BRD4: variants seen among roughly 807,000 people sequenced by gnomAD.
BRD4 encodes bromodomain-containing protein 4.
Under a neutral mutation model 142.1 loss-of-function variants are expected in BRD4, and 16 were observed. The observed-to-expected ratio is 0.11, with a 90% CI of 0.08 to 0.17. BRD4 has a LOEUF of 0.17. Among genes scored for constraint, BRD4 ranks in the 10% least tolerant of loss-of-function variants. The pLI, the probability that BRD4 is intolerant of heterozygous loss-of-function variation, is 1.00. For synonymous variants in BRD4, 833 were observed against 707.5 expected (o/e 1.18, Z -2.82); for missense variants, 1,424 against 1,810.9 (o/e 0.79, Z 3.88).
In BRD4 at chr19:15,238,581, A is replaced by G; in HGVS notation, c.4021-136T>C. 1 of 1,516,074 alleles carries G rather than the reference A, an allele frequency of 6.6e-7. No homozygotes were observed. Among genetic ancestry groups the G allele is most frequent in the South Asian group, 1.3e-5 (1 of 76,278 alleles). 93.9% of individuals were successfully genotyped at this position (1,516,074 alleles called of 1,614,324 possible). On this transcript the variant is annotated intron_variant, in intron 19 of 19. Coordinates refer to ENST00000679869, the MANE Select transcript of BRD4 (RefSeq NM_001379291.1). The surrounding 1 kb of genome is among the most constrained non-coding windows in gnomAD (Gnocchi z 7.2). ...CCCTCATAGCGCTCACCCCGTCCAC[A>G]CAGCACTCAGGGCCCTACAGCTGAG...
At chr19:15,322,174 C>T (rs971236760) in intron 1 of BRD4, among the ~76,000 whole-genome samples, 5 of 152,162 alleles carry the variant, frequency 3.3e-5, no homozygotes, top group African/African-American at 1.2e-4. Flanking sequence ...TATGAAATAT[C>T]CTTGAAAATT....
intron 1 of BRD4, among the ~76,000 whole-genome samples, chr19:15,283,219 C>T (rs1268722761): frequency 6.6e-6 from 1 of 152,094 alleles, no homozygotes; most frequent in Admixed American, 6.5e-5. Flanking sequence ...AGAGGAAGTT[C>T]ACTTCTTAGA....
chr19:15,322,275 GTT>G (rs749517943), intron 1 of BRD4, among the ~76,000 whole-genome samples: 15 of 152,010 alleles, frequency 9.9e-5, no homozygotes, highest in Non-Finnish European at 1.6e-4. Context: ...GTTTTGTTTT[GTT>G]TTGTTTTCTT....
chr19:15,255,267 G>A, intron 10 of BRD4, 30 bp downstream of exon 10: 5 of 1,594,176 alleles, frequency 3.1e-6, no homozygotes, highest in Non-Finnish European at 4.3e-6. Context: ...CCCACAGAAG[G>A]AACCCCATGC....
Position 15,264,765 on chromosome 19 carries a change from G to C in BRD4, c.851C>G (p.Thr284Arg), listed in dbSNP as rs2145600714. The C allele has an allele frequency of 6.3e-7, 1 of 1,599,176 alleles. No homozygotes were observed. Among genetic ancestry groups the C allele is most frequent in the Non-Finnish European group, 8.5e-7 (1 of 1,170,830 alleles). The change falls in exon 6 of 20, where the codon ACA becomes AGA. Residue 284 changes from threonine (T) to arginine (R), a missense_variant and splice_region_variant. Coordinates refer to ENST00000679869, the MANE Select transcript of BRD4 (RefSeq NM_001379291.1). The stretch of plus-strand genomic sequence containing the variant: ...TGCTTTCCTCTTCACTCCCTTCTTT[G>C]TCTGCCAAGAACACGGACGCCAACA... ...IIAATPQPVKTKKGVKRKADT... is the reference protein window; with the variant it reads ...IIAATPQPVKRKKGVKRKADT...
intron 11 of BRD4, among the ~76,000 whole-genome samples, chr19:15,249,973 C>T (rs2047327161): frequency 6.6e-6 from 1 of 152,160 alleles, no homozygotes; most frequent in Non-Finnish European, 1.5e-5. Flanking sequence ...AAGTCTTGTC[C>T]TTTCTTTCCT....
At chr19:15,308,413 C>T (rs2047936683) in intron 1 of BRD4, among the ~76,000 whole-genome samples, 1 of 150,898 alleles carries the variant, frequency 6.6e-6, no homozygotes, top group African/African-American at 2.4e-5. Flanking sequence ...GTGGTGAAAC[C>T]CTGTCTCTAC....
At position 15,238,695 on chromosome 19, in the gene BRD4, C is replaced by G; in HGVS notation, c.4020+48G>C. 6.8e-7 allele frequency: 1 copy of G among 1,465,006 alleles called. No homozygotes were observed. The highest frequency in any genetic ancestry group is 9.0e-7 in the Non-Finnish European group (1 of 1,107,470). The allele number at this position is 1,465,006 out of a possible 1,614,324, so 90.8% of individuals were successfully genotyped here. ...TCCAGTCCCCCTTTCCCAGCTCCCT[C>G]AGGAGCTAATCCTTAGACCAGGGTC... On this transcript the variant is annotated intron_variant, in intron 19 of 19. Coordinates refer to ENST00000679869, the MANE Select transcript of BRD4 (RefSeq NM_001379291.1). The surrounding 1 kb of genome is among the most constrained non-coding windows in gnomAD (Gnocchi z 7.2).
intron 9 of BRD4, 119 bp from the exon 10 acceptor site, chr19:15,255,711 C>T: frequency 7.6e-7 from 1 of 1,307,946 alleles, no homozygotes; most frequent in Non-Finnish European, 1.0e-6. Flanking sequence ...CACCCACCAG[C>T]CTTCACAGGA....
Position 15,255,569 on chromosome 19 carries a change from T to C in BRD4, c.1775A>G (p.Lys592Arg), listed in dbSNP as rs928579298. Residue 592 changes from lysine to arginine, a missense_variant, in exon 10 of 20, where the codon AAG becomes AGG. Lys to Arg is a conservative substitution (Grantham distance 26). Transcript: ENST00000679869. ...CTCATACGTGGGAGGGGGCTTGCTC[T>C]TCATGGGCGCTGGCTCCTTCTTGCT... is the stretch of plus-strand genomic sequence containing the variant. ...NVSKKEPAPM[K>R]SKPPPTYESE... The C allele has an allele frequency of 6.2e-6, 10 of 1,607,922 alleles. No individual in the cohort carries two copies. Among genetic ancestry groups the C allele is most frequent in the Middle Eastern group, 1.7e-4 (1 of 6,040 alleles).
At chr19:15,277,504 A>G (rs1260027670) in intron 1 of BRD4, among the ~76,000 whole-genome samples, 1 of 152,028 alleles carries the variant, frequency 6.6e-6, no homozygotes, top group Non-Finnish European at 1.5e-5. Flanking sequence ...AAGATTGTCC[A>G]GGCACAGTGG....
At chr19:15,275,334 T>C (rs758852163) in intron 1 of BRD4, among the ~76,000 whole-genome samples, 14 of 152,160 alleles carry the variant, frequency 9.2e-5, no homozygotes, top group Admixed American at 4.6e-4. Flanking sequence ...AATGCTAACA[T>C]TGCTTCTGGC....
chr19:15,238,449 G>A lies in BRD4; in HGVS notation c.4021-4C>T. 1 of 1,614,092 alleles carries A rather than the reference G, an allele frequency of 6.2e-7. No homozygotes were observed. Among genetic ancestry groups the A allele is most frequent in the Non-Finnish European group, 8.5e-7 (1 of 1,179,982 alleles). On this transcript the variant is annotated splice_region_variant and splice_polypyrimidine_tract_variant and intron_variant, in intron 19 of 19. Transcript: ENST00000679869. The surrounding 1 kb of genome is among the most constrained non-coding windows in gnomAD (Gnocchi z 7.2). Reference sequence around the variant, plus strand: ...TCATGTCAATGGTAGCTGCCATCTGGAGGAGAAAGGAAGGAGGGAGTCAGG... The same window carrying A: ...TCATGTCAATGGTAGCTGCCATCTGAAGGAGAAAGGAAGGAGGGAGTCAGG...
At position 15,251,782 on chromosome 19, in the gene BRD4, C is replaced by T. The variant is rs567548563; in HGVS notation, c.2158+2370G>A. ...AGAGGAGAAGCACCCTGCCGGCCCA[C>T]GACAGAGCTCACTCAGTGCACACAG... On this transcript the variant is annotated intron_variant, in intron 11 of 19. Transcript: ENST00000679869. 6.2e-4 allele frequency among the ~76,000 whole-genome samples: 94 copies of T among 152,306 alleles called. 1 individual carries two copies. Among genetic ancestry groups the T allele is most frequent in the Middle Eastern group, 3.4e-3 (1 of 294 alleles).
Position 15,238,195 on chromosome 19 carries a change from C to A in BRD4, c.*182G>T. 1 of 973,036 alleles carries A rather than the reference C, an allele frequency of 1.0e-6. No homozygotes were observed. The highest frequency in any genetic ancestry group is 1.5e-6 in the Non-Finnish European group (1 of 669,642). 60.3% of individuals were successfully genotyped at this position (973,036 alleles called of 1,614,324 possible). A position where few individuals can be genotyped will look rare whatever the true frequency, so the allele number is the denominator to read the frequency against. ...GTGGCGGGACGTCTGTCCGACTGGC[C>A]GTAAGGCAGACAGGCTCTGCAATCC... is the stretch of plus-strand genomic sequence containing the variant. On this transcript the variant is annotated 3_prime_UTR_variant, in exon 20 of 20. Coordinates refer to ENST00000679869, the MANE Select transcript of BRD4 (RefSeq NM_001379291.1). The surrounding 1 kb of genome is among the most constrained non-coding windows in gnomAD (Gnocchi z 7.2).
At chr19:15,321,374 G>A (rs922517656) in intron 1 of BRD4, among the ~76,000 whole-genome samples, 1 of 151,310 alleles carries the variant, frequency 6.6e-6, no homozygotes, top group African/African-American at 2.4e-5. Flanking sequence ...CAAGCGAGAT[G>A]CTGCTGGAGC....
intron 1 of BRD4, among the ~76,000 whole-genome samples, chr19:15,313,733 T>C (rs2047993921): frequency 6.6e-6 from 1 of 152,192 alleles, no homozygotes; most frequent in Admixed American, 6.5e-5. Flanking sequence ...AATATTTATA[T>C]TTCATAATCT....
chr19:15,320,861 TTTACAAAC>T (rs552160046), intron 1 of BRD4, among the ~76,000 whole-genome samples: 31 of 152,238 alleles, frequency 2.0e-4, no homozygotes, highest in Non-Finnish European at 3.7e-4. Flanking sequence ...CTAATTCTGG[TTTACAAAC>T]TAGTATGGAA....
At chr19:15,270,714 G>C (rs182479972) in intron 2 of BRD4, among the ~76,000 whole-genome samples, 3 of 152,164 alleles carry the variant, frequency 2.0e-5, no homozygotes, top group African/African-American at 4.8e-5. Flanking sequence ...TCAGAAAACA[G>C]ACAAGGAATA....
Sources: allele counts gnomAD v4.1 joint callset (sites outside exome capture counted in the v4.1 genomes callset), GRCh38; gene constraint gnomAD v4.1.1; non-coding constraint Gnocchi (gnomAD v3.1); transcripts MANE v1.5; gene names NCBI Gene and HGNC (gene_info 2026-07-23, HGNC 2026-07-21).